CTCFL: variants seen among roughly 807,000 people sequenced by gnomAD.
The protein encoded by CTCFL is transcriptional repressor CTCFL.
Under a neutral mutation model 67.4 loss-of-function variants are expected in CTCFL, and 36 were observed. That is an observed-to-expected ratio of 0.53 (90% CI 0.41 to 0.71). The LOEUF (loss-of-function observed/expected upper bound fraction) is 0.71, where lower values mean the gene tolerates loss of function less well. Among genes scored for constraint, CTCFL ranks in the 30% least tolerant of loss-of-function variants. The probability of loss-of-function intolerance (pLI) is 0.00; values close to 1 mark genes in which losing one functional copy is unlikely to be tolerated. For missense variants in CTCFL, 786 were observed against 835.2 expected, an observed-to-expected ratio of 0.94 and a Z score of 0.73; for synonymous variants, 324 against 302.3, an observed-to-expected ratio of 1.07 and a Z score of -0.75.
chr20:57,525,386 A>G (rs7273099), upstream of CTCFL: 50,866 of 63,898 alleles, frequency 0.8, 20,583 homozygotes, highest in East Asian at 0.99. Flanking sequence ...GGATAAGGAG[A>G]GGAGGAGAGC....
chr20:57,523,247 A>G lies in CTCFL; in HGVS notation c.575T>C (p.Leu192Ser), dbSNP rs751270386. Reference protein sequence around the residue: ...LEEEQEKNQLLAERTKEQLFF... With the variant: ...LEEEQEKNQLSAERTKEQLFF... ...GAGCTGCTCCTTTGTTCTTTCAGCC[A>G]ATAACTGGTTCTTCTCCTGCTCTTC... Residue 192 changes from leucine to serine, a missense_variant, in exon 3 of 11, where the codon TTG becomes TCG. Leu to Ser is a moderately radical substitution (Grantham distance 145, BLOSUM62 -2). Around this residue, in one of 3 missense-constraint regions of CTCFL, gnomAD observed 333 missense variants for 304.6 expected, o/e 1.09. Transcript: ENST00000243914. The G allele has an allele frequency of 7.5e-5, 121 of 1,613,856 alleles. No individual in the cohort carries two copies. Among genetic ancestry groups the G allele is most frequent in the Admixed American group, 3.3e-5 (2 of 60,002 alleles).
rs114088870 is a variant in CTCFL at position 57,505,167 on chromosome 20, T to G, written c.1675-1566A>C. Among the ~76,000 whole-genome samples the G allele has an allele frequency of 6.6e-3, 1,006 of 152,054 alleles. 12 individuals carry two copies. The highest frequency in any genetic ancestry group is 0.023 in the African/African-American group (965 of 41,536). ...TGATGACTTTTTAAAGGTGACCCTT[T>G]CTGTTGTGCTTAGCTCTAGCCAAAA... On this transcript the variant is annotated intron_variant, in intron 9 of 10. Transcript: ENST00000243914.
chr20:57,503,340 TG>T, intron 10 of CTCFL, 95 bp downstream of exon 10: 1 of 1,449,292 alleles, frequency 6.9e-7, no homozygotes, highest in Non-Finnish European at 9.6e-7. Context: ...ATAGGGGCTC[TG>T]GACACATCCC....
At chr20:57,496,162 C>T (rs2067722457), downstream of CTCFL, 1 of 446,124 alleles carries the variant, frequency 2.2e-6, no homozygotes, top group Non-Finnish European at 4.0e-6. Context: ...GCACCATCCG[C>T]TTGGTGCTGT....
downstream of CTCFL, chr20:57,496,431 T>A: frequency 4.1e-6 from 2 of 486,566 alleles, no homozygotes; most frequent in South Asian, 7.0e-5. Flanking sequence ...TATAGCAATG[T>A]GAGAAAGGAC....
rs1389485119 is a variant in CTCFL, at chr20:57,523,702, C to G, written c.504G>C (p.Lys168Asn). The change falls in exon 2 of 11, where the codon AAG becomes AAC. Residue 168 changes from lysine to asparagine, a missense_variant. Around this residue, in one of 3 missense-constraint regions of CTCFL, gnomAD observed 333 missense variants for 304.6 expected, o/e 1.09. Transcript: ENST00000243914. ...ENVMVASEDSKLAVSLAETTG... is the reference protein window; with the variant it reads ...ENVMVASEDSNLAVSLAETTG... ...TAGTTTCAGCCAGGCTCACCGCTAA[C>G]TTACTGTCTTCACTGGCCACCATCA... The G allele has an allele frequency of 1.2e-6, 2 of 1,613,366 alleles. No individual in the cohort carries two copies. Among genetic ancestry groups the G allele is most frequent in the Non-Finnish European group, 1.7e-6 (2 of 1,180,002 alleles).
intron 5 of CTCFL, among the ~76,000 whole-genome samples, chr20:57,517,329 C>T (rs1322252598): frequency 1.2e-4 from 17 of 146,128 alleles, no homozygotes; most frequent in Non-Finnish European, 1.8e-4. Context: ...CTCGTCCAGA[C>T]TGGAGTGCGC....
Position 57,519,257 on chromosome 20 carries a change from T to C in CTCFL, c.875A>G (p.Lys292Arg), listed in dbSNP as rs758537003. 4 of 1,614,150 alleles carry C rather than the reference T, an allele frequency of 2.5e-6. No individual in the cohort carries two copies. The highest frequency in any genetic ancestry group is 1.1e-5 in the South Asian group (1 of 91,084). ...CAGCAGAGTGACCGTACGGAAGGTTTTCAGGCAGAGGTGACACAGGTGAGG... is the reference window on the plus strand; with the variant it reads ...CAGCAGAGTGACCGTACGGAAGGTTCTCAGGCAGAGGTGACACAGGTGAGG... ...EKPHLCHLCLKTFRTVTLLRN... is the reference protein window; with the variant it reads ...EKPHLCHLCLRTFRTVTLLRN... Residue 292 changes from lysine (K) to arginine (R), a missense_variant, in exon 4 of 11, where the codon AAA (lysine) becomes AGA (arginine). Physicochemically the swap from Lys to Arg is conservative, Grantham distance 26. This residue lies in a region of CTCFL where 254 missense variants were observed against 333.9 expected (regional missense o/e 0.76). Transcript: ENST00000243914.
Position 57,503,462 on chromosome 20 carries a change from C to T in CTCFL, c.1814G>A (p.Gly605Glu). 1 of 1,614,204 alleles carries T rather than the reference C, an allele frequency of 6.2e-7. No homozygotes were observed. The highest frequency in any genetic ancestry group is 1.1e-5 in the South Asian group (1 of 91,088). Reference sequence around the variant, plus strand: ...GTCTCCGTTCGCGGCTTCCTTCCATCCCTTCGCAGCTTCCTTCTGACCCTT... The same window carrying T: ...GTCTCCGTTCGCGGCTTCCTTCCATTCCTTCGCAGCTTCCTTCTGACCCTT... ...ATKGQKEAAK[G>E]WKEAANGDEA... The change falls in exon 10 of 11, where the codon GGA becomes GAA. Residue 605 changes from glycine (G) to glutamate (E), a missense_variant. By Grantham distance (98) the Gly-to-Glu change is moderately conservative (BLOSUM62 -2). Around this residue, in one of 3 missense-constraint regions of CTCFL, gnomAD observed 199 missense variants for 196.7 expected, o/e 1.01. Coordinates refer to ENST00000243914, the MANE Select transcript of CTCFL (RefSeq NM_001386993.1).
chr20:57,500,954 G>A (rs1043347690), intron 10 of CTCFL, among the ~76,000 whole-genome samples: 1 of 152,234 alleles, frequency 6.6e-6, no homozygotes, highest in Non-Finnish European at 1.5e-5. Context: ...GGGAAGTCAC[G>A]TTTCTCCAGG....
intron 6 of CTCFL, 113 bp from the exon 7 acceptor site, chr20:57,514,854 C>T: frequency 8.9e-7 from 1 of 1,122,438 alleles, no homozygotes; most frequent in South Asian, 1.5e-5. Flanking sequence ...CAACCCCCTT[C>T]TCACCGGACA....
chr20:57,511,645 G>A (rs1468429565), intron 8 of CTCFL, among the ~76,000 whole-genome samples: 1 of 149,904 alleles, frequency 6.7e-6, no homozygotes, highest in Admixed American at 6.6e-5. Context: ...AGGCTGGAGT[G>A]CAGTGGCGCG....
In CTCFL at chr20:57,498,683, G is replaced by C. The variant is rs768846724; in HGVS notation, c.1859C>G (p.Ala620Gly). ...ANGDEAAAEE[A>G]STTKGEQFPG... ...GAACTGTTCTCCCTTCGTGGTGGAA[G>C]CCTCCTCAGCAGCAGCTTCTTGAGA... Residue 620 changes from alanine to glycine, a missense_variant, in exon 11 of 11, where the codon GCT (alanine) becomes GGT (glycine). This residue lies in a region of CTCFL where 199 missense variants were observed against 196.7 expected (regional missense o/e 1.01). Coordinates refer to ENST00000243914, the MANE Select transcript of CTCFL (RefSeq NM_001386993.1). 1 of 1,612,688 alleles carries C rather than the reference G, an allele frequency of 6.2e-7. No individual in the cohort carries two copies. The highest frequency in any genetic ancestry group is 2.2e-5 in the East Asian group (1 of 44,872).
Position 57,515,850 on chromosome 20 carries a change from A to G in CTCFL, c.1060-16T>C. 1 of 1,599,726 alleles carries G rather than the reference A, an allele frequency of 6.3e-7. No homozygotes were observed. The highest frequency in any genetic ancestry group is 8.5e-7 in the Non-Finnish European group (1 of 1,172,482). ...ATTTACTTGCCTAATAAATACATAA[A>G]TGATGTTCGTTGCAATAGAAACTAA... is the stretch of plus-strand genomic sequence containing the variant. On this transcript the variant is annotated splice_polypyrimidine_tract_variant and intron_variant, in intron 5 of 10. Transcript: ENST00000243914.
At chr20:57,525,532 C>CG (rs149942170), upstream of CTCFL, 3,808 of 33,468 alleles carry the variant, frequency 0.11, 163 homozygotes, top group Non-Finnish European at 0.13. Context: ...CTGGGAGACC[C>CG]GGGGGGGAAG....
chr20:57,514,617 G>A lies in CTCFL; in HGVS notation c.1305C>T (p.Thr435=). The A allele has an allele frequency of 6.2e-7, 1 of 1,614,176 alleles. No individual in the cohort carries two copies. The highest frequency in any genetic ancestry group is 8.5e-7 in the Non-Finnish European group (1 of 1,180,010). The change falls in exon 7 of 11, where the codon ACC becomes ACT. Residue 435 remains threonine (T), a synonymous_variant. Transcript: ENST00000243914. ...GTAGGTCGCTTTTCCGTGCAATGAT[G>A]GTGGCACAATGGGGACACTGGTATT... is the stretch of plus-strand genomic sequence containing the variant. The part of the protein sequence containing the change: ...VPKYQCPHCA[T]IIARKSDLRV...
chr20:57,508,585 C>A, intron 9 of CTCFL, 21 bp downstream of exon 9: 1 of 1,610,700 alleles, frequency 6.2e-7, no homozygotes, highest in Non-Finnish European at 8.5e-7. Context: ...GGGGGATTTA[C>A]TGTGACTTAA....
rs150328100 is a variant in CTCFL, at chr20:57,521,449, A to G, written c.754+1619T>C. ...TTGGTGAGGATGTGGAGAAACTGGA[A>G]GCAACACACACTGCTGGTGCAAATT... On this transcript the variant is annotated intron_variant, in intron 3 of 10. Coordinates refer to ENST00000243914, the MANE Select transcript of CTCFL (RefSeq NM_001386993.1). 2.8e-4 allele frequency among the ~76,000 whole-genome samples: 42 copies of G among 152,352 alleles called. No individual in the cohort carries two copies. The East Asian group carries it at 7.5e-3, about 27-fold the overall frequency.
intron 8 of CTCFL, among the ~76,000 whole-genome samples, chr20:57,512,253 G>A (rs2068612334): frequency 6.6e-6 from 1 of 152,200 alleles, no homozygotes; most frequent in African/African-American, 2.4e-5. Context: ...TCCACTGGGT[G>A]TCACTGCCTT....
Sources: allele counts gnomAD v4.1 joint callset (sites outside exome capture counted in the v4.1 genomes callset), GRCh38; gene constraint gnomAD v4.1.1; regional missense constraint gnomAD v4.1.1; transcripts MANE v1.5; gene names NCBI Gene and HGNC (gene_info 2026-07-23, HGNC 2026-07-21).